Variants in KCNIP4 observed in about 807,000 individuals in gnomAD.
KCNIP4 encodes Kv channel-interacting protein 4.
In KCNIP4, 12 loss-of-function variants were observed where a neutral mutation model predicts 34.0. That is an observed-to-expected ratio of 0.35 (90% CI 0.23 to 0.57). KCNIP4 has a LOEUF of 0.57. Among genes scored for constraint, KCNIP4 ranks in the 20% least tolerant of loss-of-function variants. The pLI is 0.83. For synonymous variants in KCNIP4, 124 were observed against 102.2 expected, an observed-to-expected ratio of 1.21 and a Z score of -1.29; for missense variants, 238 against 311.7, an observed-to-expected ratio of 0.76 and a Z score of 1.78.
intron 1 of KCNIP4, among the ~76,000 whole-genome samples, chr4:21,453,736 A>AT (rs2109751120): frequency 6.6e-6 from 1 of 152,156 alleles, no homozygotes; most frequent in African/African-American, 2.4e-5. Flanking sequence ...ATAGTGTTTG[A>AT]TTTTCTGGTG....
chr4:21,159,246 T>C (rs984635310), intron 1 of KCNIP4, among the ~76,000 whole-genome samples: 1 of 152,198 alleles, frequency 6.6e-6, no homozygotes, highest in African/African-American at 2.4e-5. Flanking sequence ...ATAGTGTGTG[T>C]CATTGGTGTA....
chr4:20,933,459 A>C (rs1730699247), intron 1 of KCNIP4, among the ~76,000 whole-genome samples: 1 of 152,160 alleles, frequency 6.6e-6, no homozygotes, highest in Admixed American at 6.6e-5. Context: ...GTAGCACCTA[A>C]ATCTACCAAT....
At chr4:21,075,753 G>A (rs1416380621) in intron 1 of KCNIP4, among the ~76,000 whole-genome samples, 2 of 152,118 alleles carry the variant, frequency 1.3e-5, no homozygotes. Context: ...TTTACAATTT[G>A]GCATGTTTTT....
intron 1 of KCNIP4, among the ~76,000 whole-genome samples, chr4:21,293,929 G>A (rs984791551): frequency 1.3e-5 from 2 of 152,086 alleles, no homozygotes; most frequent in African/African-American, 2.4e-5. Context: ...GCAGGAACAC[G>A]GTGGTTGAGA....
intron 1 of KCNIP4, among the ~76,000 whole-genome samples, chr4:21,195,963 T>C (rs995728066): frequency 6.6e-5 from 10 of 152,232 alleles, no homozygotes; most frequent in African/African-American, 2.4e-4. Context: ...CGACCAGATT[T>C]GGGCAACTCA....
chr4:21,733,313 C>T (rs28653276), intron 1 of KCNIP4, among the ~76,000 whole-genome samples: 2,392 of 152,200 alleles, frequency 0.016, 67 homozygotes, highest in African/African-American at 0.055. Context: ...AACAGTGAAT[C>T]GTATATAGAT....
At chr4:20,781,106 T>A (rs1266318589) in intron 3 of KCNIP4, among the ~76,000 whole-genome samples, 1 of 152,188 alleles carries the variant, frequency 6.6e-6, no homozygotes, top group Non-Finnish European at 1.5e-5. Context: ...TATTGGTTTA[T>A]TTTACAAACT....
intron 1 of KCNIP4, among the ~76,000 whole-genome samples, chr4:21,863,714 G>T (rs1466803309): frequency 6.6e-6 from 1 of 152,126 alleles, no homozygotes; most frequent in Admixed American, 6.6e-5. Flanking sequence ...AAGGGAAAAA[G>T]AACCTTCATG....
chr4:21,776,956 T>C (rs1719221144), intron 1 of KCNIP4, among the ~76,000 whole-genome samples: 1 of 152,030 alleles, frequency 6.6e-6, no homozygotes, highest in African/African-American at 2.4e-5. Flanking sequence ...AGAGACAAGG[T>C]TAGACAGGGT....
chr4:21,718,821 G>A (rs1449188852), intron 1 of KCNIP4: 2 of 152,120 alleles, frequency 1.3e-5, no homozygotes, highest in African/African-American at 2.4e-5. Context: ...AGAAAATGAG[G>A]TGATTATTTT....
intron 1 of KCNIP4, among the ~76,000 whole-genome samples, chr4:21,553,684 A>C (rs16871393): frequency 0.057 from 8,619 of 151,388 alleles, 681 homozygotes; most frequent in Admixed American, 0.23. Flanking sequence ...ATAATTCATC[A>C]TCTTATGTGG....
chr4:21,679,745 A>T (rs1374056105), intron 1 of KCNIP4, among the ~76,000 whole-genome samples: 1 of 152,240 alleles, frequency 6.6e-6, no homozygotes, highest in Non-Finnish European at 1.5e-5. Context: ...AAAGTGAGTC[A>T]TACAAATTTC....
chr4:21,210,452 G>T (rs1347536392), intron 1 of KCNIP4, among the ~76,000 whole-genome samples: 1 of 152,084 alleles, frequency 6.6e-6, no homozygotes, highest in African/African-American at 2.4e-5. Flanking sequence ...CTAGATCCAG[G>T]CATAGAAAGG....
At chr4:21,399,473 C>G (rs536583248) in intron 1 of KCNIP4, among the ~76,000 whole-genome samples, 23 of 152,296 alleles carry the variant, frequency 1.5e-4, no homozygotes, top group African/African-American at 5.3e-4. Context: ...AAATTAAGTT[C>G]CACCTGAAGC....
chr4:20,774,451 C>T (rs971925698), intron 3 of KCNIP4, among the ~76,000 whole-genome samples: 2 of 152,110 alleles, frequency 1.3e-5, no homozygotes, highest in Non-Finnish European at 2.9e-5. Context: ...TGGATTTTAT[C>T]ATAATTAATT....
intron 1 of KCNIP4, among the ~76,000 whole-genome samples, chr4:21,389,288 A>T (rs1189159286): frequency 6.6e-6 from 1 of 151,796 alleles, no homozygotes; most frequent in Non-Finnish European, 1.5e-5. Flanking sequence ...GCACACAGAC[A>T]TATATTCTCA....
At chr4:21,365,237 C>A (rs1719627538) in intron 1 of KCNIP4, among the ~76,000 whole-genome samples, 1 of 152,044 alleles carries the variant, frequency 6.6e-6, no homozygotes, top group Non-Finnish European at 1.5e-5. Flanking sequence ...GTAATCCCAG[C>A]ACTTTGGGAG....
chr4:20,812,191 T>A (rs757080210), intron 3 of KCNIP4, among the ~76,000 whole-genome samples: 3 of 152,216 alleles, frequency 2.0e-5, no homozygotes, highest in Non-Finnish European at 2.9e-5. Context: ...GTTGTTTTGC[T>A]TTTGTTGTGA....
chr4:20,864,101 T>TATGTATGTATACATAGCCATGTATACAC (rs1722543268), intron 2 of KCNIP4, among the ~76,000 whole-genome samples: 1 of 125,988 alleles, frequency 7.9e-6, no homozygotes, highest in African/African-American at 2.7e-5. Context: ...CATGTATACG[T>TATGTATGTATACATAGCCATGTATACAC]ATGTATGTAT....
Sources: allele counts gnomAD v4.1 joint callset (sites outside exome capture counted in the v4.1 genomes callset), GRCh38; gene constraint gnomAD v4.1.1; transcripts MANE v1.5; gene names NCBI Gene and HGNC (gene_info 2026-07-23, HGNC 2026-07-21).